TCP11: variants seen among roughly 807,000 people sequenced by gnomAD.
TCP11 encodes t-complex 11, also known as T-complex protein 11 homolog.
In TCP11, 34 loss-of-function variants were observed where a neutral mutation model predicts 45.0. The ratio of observed to expected loss-of-function variants is 0.76; its 90% confidence interval spans 0.57 to 1.01. TCP11 has a LOEUF of 1.01. Among genes scored for constraint, TCP11 ranks in the 50% least tolerant of loss-of-function variants. TCP11 has a pLI of 0.00. For synonymous variants in TCP11, 227 were observed against 227.0 expected (o/e 1.00, Z 0.00); for missense variants, 523 against 598.1 (o/e 0.87, Z 1.31).
intron 2 of TCP11, chr6:35,140,090 TC>T: frequency 6.2e-7 from 1 of 1,613,988 alleles, no homozygotes; most frequent in South Asian, 1.1e-5. Flanking sequence ...AGCAGCGACC[TC>T]ATGTGGCCAC....
rs201387409 is a variant in TCP11, at chr6:35,120,288, T to A, written c.986A>T (p.Gln329Leu). 7.4e-6 allele frequency: 12 copies of A among 1,614,134 alleles called. No homozygotes were observed. Among genetic ancestry groups the A allele is most frequent in the African/African-American group, 1.3e-5 (1 of 74,946 alleles). Residue 329 changes from glutamine (Q) to leucine (L), a missense_variant, in exon 8 of 10, where the codon CAG (glutamine) becomes CTG (leucine). Gln to Leu is a moderately radical substitution (Grantham distance 113). Coordinates refer to ENST00000311875, the MANE Select transcript of TCP11 (RefSeq NM_001370687.1). The surrounding 1 kb of genome is among the most constrained non-coding windows in gnomAD (Gnocchi z 4.9). The part of the protein sequence containing the change: ...RLQELKSQLH[Q>L]LTVMASVLLV... ...CAAGACTGAGGCCATGACGGTTAAC[T>A]GGTGCAACTGGGACTTCAGCTCCTG... is the stretch of plus-strand genomic sequence containing the variant.
At chr6:35,138,268 C>T (rs1462761480) in intron 2 of TCP11, among the ~76,000 whole-genome samples, 2 of 152,142 alleles carry the variant, frequency 1.3e-5, no homozygotes, top group Admixed American at 6.6e-5. Context: ...ATCAATCTAT[C>T]GAAGAGATAT....
intron 4 of TCP11, among the ~76,000 whole-genome samples, chr6:35,127,707 G>A (rs531229796): frequency 6.6e-6 from 1 of 152,132 alleles, no homozygotes; most frequent in Admixed American, 6.5e-5. Flanking sequence ...AGTGAAACTG[G>A]CTGAATTTGA....
chr6:35,122,191 A>G lies in TCP11; in HGVS notation c.504T>C (p.Ala168=), dbSNP rs1374921706. ...CATCTCGAACTGGTGCACACAGCAA[A>G]GCCATCATGTTGAGAACGTACTTAG... ...YLSKYVLNMM[A]LLCAPVRDEA... is the part of the protein sequence containing the mutation. Residue 168 remains alanine, a synonymous_variant, in exon 5 of 10, where the codon GCT becomes GCC. Coordinates refer to ENST00000311875, the MANE Select transcript of TCP11 (RefSeq NM_001370687.1). The G allele has an allele frequency of 6.2e-7, 1 of 1,614,214 alleles. No homozygotes were observed. Among genetic ancestry groups the G allele is most frequent in the African/African-American group, 1.3e-5 (1 of 75,052 alleles).
chr6:35,126,926 G>A (rs903492758), intron 4 of TCP11, among the ~76,000 whole-genome samples: 1 of 152,026 alleles, frequency 6.6e-6, no homozygotes, highest in African/African-American at 2.4e-5. Context: ...CCAGAGTGTT[G>A]AGATTACAGG....
intron 3 of TCP11, among the ~76,000 whole-genome samples, chr6:35,134,683 G>A (rs1231621050): frequency 1.3e-5 from 2 of 151,970 alleles, no homozygotes; most frequent in Admixed American, 6.6e-5. Flanking sequence ...GTATTATTTT[G>A]TATTTTTTAT....
intron 2 of TCP11, among the ~76,000 whole-genome samples, chr6:35,139,269 C>T (rs1462674666): frequency 6.0e-5 from 9 of 151,056 alleles, no homozygotes; most frequent in Admixed American, 5.9e-4. Flanking sequence ...TTTTAAAAGG[C>T]AGGAGGGGGA....
At chr6:35,122,073 C>T (rs1315574122) in intron 5 of TCP11, 44 bp downstream of exon 5, 7 of 1,600,852 alleles carry the variant, frequency 4.4e-6, no homozygotes, top group Non-Finnish European at 6.0e-6. Flanking sequence ...TTTCCGGGCT[C>T]AGGGGCTAAA....
rs372979577 is a variant in TCP11, at chr6:35,120,321, G to C, written c.953C>G (p.Thr318Ser). 1 of 1,613,998 alleles carries C rather than the reference G, an allele frequency of 6.2e-7. No individual in the cohort carries two copies. Among genetic ancestry groups the C allele is most frequent in the Non-Finnish European group, 8.5e-7 (1 of 1,179,876 alleles). ...EFPETLLMDR[T>S]RLQELKSQLH... The stretch of plus-strand genomic sequence containing the variant: ...CTGGGACTTCAGCTCCTGCAGCCGG[G>C]TTCTGTCCATCAGCAGGGTCTGGGA... Residue 318 changes from threonine (T) to serine (S), a missense_variant, in exon 8 of 10, where the codon ACC (threonine) becomes AGC (serine). Around this residue, in one of 2 missense-constraint regions of TCP11, gnomAD observed 298 missense variants for 387.9 expected, o/e 0.77. Transcript: ENST00000311875. This position sits in a 1 kb window ranked among gnomAD's most constrained non-coding sequence, Gnocchi z 4.9.
In TCP11 at chr6:35,120,915, G is replaced by A. The variant is rs1377625100; in HGVS notation, c.709C>T (p.Gln237Ter). The A allele has an allele frequency of 6.2e-7, 1 of 1,613,400 alleles. No homozygotes were observed. The highest frequency in any genetic ancestry group is 8.5e-7 in the Non-Finnish European group (1 of 1,179,708). The change falls in exon 6 of 10, where the codon CAG (glutamine) becomes TAG (stop). Residue 237 changes from glutamine to a stop codon, truncating the protein, a stop_gained. Coordinates refer to ENST00000311875, the MANE Select transcript of TCP11 (RefSeq NM_001370687.1). LOFTEE classifies it high-confidence loss of function. This position sits in a 1 kb window ranked among gnomAD's most constrained non-coding sequence, Gnocchi z 4.9. ...RAKFQELLNK[Q>*]PSLLNHTTKW... Reference sequence around the variant, plus strand: ...CCTCACATTATATACATACTAGGCTGCTTATTGAGGAGTTCCTGGAATTTA... The same window carrying A: ...CCTCACATTATATACATACTAGGCTACTTATTGAGGAGTTCCTGGAATTTA...
chr6:35,136,196 T>C lies in TCP11; in HGVS notation c.147A>G (p.Thr49=), dbSNP rs549793202. The change falls in exon 3 of 10, where the codon ACA becomes ACG. Residue 49 remains threonine, a synonymous_variant. Transcript: ENST00000311875. Reference sequence around the variant, plus strand: ...GCTTGGAAACTTCATTAACGGTTTCTGTCAGACCTGTGACAGAAAGAACTG... The same window carrying C: ...GCTTGGAAACTTCATTAACGGTTTCCGTCAGACCTGTGACAGAAAGAACTG... The part of the protein sequence containing the change: ...PPPFLSVTGL[T]ETVNEVSKLS... The C allele has an allele frequency of 1.2e-6, 2 of 1,613,360 alleles. No homozygotes were observed. Among genetic ancestry groups the C allele is most frequent in the Non-Finnish European group, 1.7e-6 (2 of 1,179,708 alleles).
At chr6:35,137,668 T>C (rs372795191) in intron 2 of TCP11, 9 of 380,538 alleles carry the variant, frequency 2.4e-5, no homozygotes, top group East Asian at 1.5e-4. Flanking sequence ...CATTCACACA[T>C]AATAGGTATA....
intron 2 of TCP11, chr6:35,137,917 C>T (rs546181326): frequency 3.7e-4 from 145 of 394,910 alleles, no homozygotes; most frequent in Non-Finnish European, 6.2e-4. Context: ...TATAATTTTT[C>T]TATAGTAAAA....
rs535634021 is a variant in TCP11 at position 35,133,371 on chromosome 6, C to T, written c.236+2736G>A. Among the ~76,000 whole-genome samples the T allele has an allele frequency of 4.2e-4, 64 of 152,112 alleles. 4 individuals carry two copies. Among genetic ancestry groups the T allele is most frequent in the African/African-American group, 1.4e-3 (60 of 41,530 alleles). ...AAAAAAAAATTTTTTTTTGTAGAGA[C>T]GAGGTCTCACTATGTTGCCCAGGTT... On this transcript the variant is annotated intron_variant, in intron 3 of 9. Transcript: ENST00000311875.
Position 35,120,181 on chromosome 6 carries a change from A to G in TCP11, c.1093T>C (p.Leu365=). The G allele has an allele frequency of 6.2e-7, 1 of 1,614,100 alleles. No homozygotes were observed. Among genetic ancestry groups the G allele is most frequent in the Admixed American group, 1.7e-5 (1 of 60,000 alleles). ...VDKLKRITKS[L]LEDFHSRPEE... The stretch of plus-strand genomic sequence containing the variant: ...CACCTGGAGTGAAAGTCTTCCAACA[A>G]GGATTTGGTTATGCGTTTCAGTTTA... Residue 365 remains leucine (L), a synonymous_variant, in exon 8 of 10, where the codon TTG becomes CTG. Coordinates refer to ENST00000311875, the MANE Select transcript of TCP11 (RefSeq NM_001370687.1). The surrounding 1 kb of genome is among the most constrained non-coding windows in gnomAD (Gnocchi z 4.9).
At chr6:35,133,778 G>T (rs962700711) in intron 3 of TCP11, among the ~76,000 whole-genome samples, 1 of 151,022 alleles carries the variant, frequency 6.6e-6, no homozygotes, top group East Asian at 1.9e-4. Flanking sequence ...GCGACAAAGC[G>T]AGATTTCATC....
chr6:35,120,723 G>A lies in TCP11; in HGVS notation c.716-77C>T. The stretch of plus-strand genomic sequence containing the variant: ...GCTTCAAGACCAAGGTTCTTTTCAA[G>A]TATACTCCTGGTCAATAAATAAATG... On this transcript the variant is annotated intron_variant, in intron 6 of 9. Coordinates refer to ENST00000311875, the MANE Select transcript of TCP11 (RefSeq NM_001370687.1). This position sits in a 1 kb window ranked among gnomAD's most constrained non-coding sequence, Gnocchi z 4.9. 6.9e-7 allele frequency: 1 copy of A among 1,457,256 alleles called. No homozygotes were observed. Among genetic ancestry groups the A allele is most frequent in the Non-Finnish European group, 9.4e-7 (1 of 1,067,238 alleles). 90.3% of individuals were successfully genotyped at this position (1,457,256 alleles called of 1,614,324 possible).
intron 4 of TCP11, among the ~76,000 whole-genome samples, chr6:35,124,038 C>T (rs1367040872): frequency 1.3e-5 from 2 of 152,104 alleles, no homozygotes; most frequent in Admixed American, 6.5e-5. Context: ...AAGAAACTTA[C>T]CCTCCTTGGC....
In TCP11 at chr6:35,140,846, G is replaced by A. The variant is rs1359571825; in HGVS notation, c.25C>T (p.Pro9Ser). MPDVKESV[P>S]PKYPGDSEGR... is the part of the protein sequence containing the mutation. ...TCTGAGTCGCCAGGATATTTCGGGG[G>A]CACACTCTCCTTGACGTCTGGCATT... Residue 9 changes from proline to serine, a missense_variant, in exon 2 of 10, where the codon CCC becomes TCC. Physicochemically the swap from Pro to Ser is moderately conservative, Grantham distance 74. Around this residue, in one of 2 missense-constraint regions of TCP11, gnomAD observed 225 missense variants for 210.2 expected, o/e 1.07. Transcript: ENST00000311875. The A allele has an allele frequency of 5.7e-6, 9 of 1,570,862 alleles. No homozygotes were observed. The highest frequency in any genetic ancestry group is 7.7e-6 in the Non-Finnish European group (9 of 1,162,294).
Sources: gnomAD v4.1 joint callset for allele counts (sites outside exome capture counted in the v4.1 genomes callset) on GRCh38, gnomAD v4.1.1 for gene constraint, gnomAD v4.1.1 regional missense constraint, Gnocchi (gnomAD v3.1) non-coding constraint, MANE v1.5 for transcripts, NCBI Gene and HGNC (gene_info 2026-07-23, HGNC 2026-07-21) for gene names.